RBFOX1: variants seen among roughly 807,000 people sequenced by gnomAD.
RBFOX1 encodes the protein RNA binding fox-1 homolog 1, also known as RNA binding protein fox-1 homolog 1.
RBFOX1 carries 8 observed loss-of-function variants against 57.7 expected under a neutral mutation model. That is an observed-to-expected ratio of 0.14 (90% CI 0.08 to 0.25). The LOEUF (loss-of-function observed/expected upper bound fraction) is 0.25. RBFOX1 is among the 10% of genes least tolerant of loss of function. The pLI is 1.00. For missense variants in RBFOX1, 611 were observed against 548.5 expected (o/e 1.11, Z -1.14); for synonymous variants, 326 against 222.4 (o/e 1.47, Z -4.15).
chr16:6,163,849 C>T (rs1236461249), intron 1 of RBFOX1, among the ~76,000 whole-genome samples: 1 of 151,982 alleles, frequency 6.6e-6, no homozygotes, highest in Non-Finnish European at 1.5e-5. Flanking sequence ...TAGAAAGGCC[C>T]ATATAGGGAG....
chr16:7,647,163 T>G (rs1411496034), intron 11 of RBFOX1, among the ~76,000 whole-genome samples: 1 of 152,200 alleles, frequency 6.6e-6, no homozygotes, highest in Non-Finnish European at 1.5e-5. Flanking sequence ...CTGAGATGGT[T>G]ACTCTACTAA....
intron 3 of RBFOX1, among the ~76,000 whole-genome samples, chr16:6,765,987 A>C (rs192152512): frequency 6.6e-6 from 1 of 152,134 alleles, no homozygotes; most frequent in African/African-American, 2.4e-5. Context: ...ATGGGAGGGT[A>C]GAAGGGGGAT....
chr16:7,028,200 A>G (rs1443331692), intron 3 of RBFOX1, among the ~76,000 whole-genome samples: 1 of 152,130 alleles, frequency 6.6e-6, no homozygotes, highest in African/African-American at 2.4e-5. Context: ...AGACTCTTCC[A>G]TTTCCAAGAT....
At chr16:6,075,337 T>G (rs1024195616) in intron 1 of RBFOX1, among the ~76,000 whole-genome samples, 3 of 152,356 alleles carry the variant, frequency 2.0e-5, no homozygotes, top group Non-Finnish European at 4.4e-5. Context: ...TACTCATTTA[T>G]TCATCTGTTT....
At chr16:7,417,573 C>G (rs1258464312) in intron 4 of RBFOX1, among the ~76,000 whole-genome samples, 1 of 145,738 alleles carries the variant, frequency 6.9e-6, no homozygotes, top group African/African-American at 2.7e-5. Context: ...CACTTCTCTG[C>G]AATGTCTCAC....
At chr16:5,800,602 A>T (rs2055025227) in intron 3 of RBFOX1, among the ~76,000 whole-genome samples, 1 of 152,046 alleles carries the variant, frequency 6.6e-6, no homozygotes, top group Non-Finnish European at 1.5e-5. Context: ...GGTGAAATGG[A>T]TGTGACCCAG....
intron 6 of RBFOX1, among the ~76,000 whole-genome samples, chr16:7,584,959 G>A (rs140422599): frequency 6.6e-6 from 1 of 152,308 alleles, no homozygotes; most frequent in East Asian, 1.9e-4. Context: ...CACCTGCCAA[G>A]ATTGCTGTTT....
At chr16:6,258,290 A>C (rs1007706111) in intron 1 of RBFOX1, among the ~76,000 whole-genome samples, 2 of 152,278 alleles carry the variant, frequency 1.3e-5, no homozygotes, top group African/African-American at 4.8e-5. Flanking sequence ...CCCAGAAGTG[A>C]TTATGCTTGA....
intron 1 of RBFOX1, among the ~76,000 whole-genome samples, chr16:5,334,213 G>A (rs7201294): frequency 2.6e-5 from 4 of 152,182 alleles, no homozygotes; most frequent in African/African-American, 9.7e-5. Context: ...ACATCTCTCC[G>A]GCCAGAGGAG....
chr16:6,950,600 A>G (rs56079265), intron 3 of RBFOX1, among the ~76,000 whole-genome samples: 40,130 of 152,054 alleles, frequency 0.26, 5,587 homozygotes, highest in African/African-American at 0.35. Flanking sequence ...AGATAATACA[A>G]TATATATGCA....
rs482645 is a variant in RBFOX1, at chr16:5,375,445, T to C, written c.220-91771T>C. ...GCATCATGGAGGGCTCTAAGGATCC[T>C]AGCCTGAGAGTCTGGGATAGTGACG... On this transcript the variant is annotated intron_variant, in intron 1 of 2. Transcript: ENST00000585867. Among the ~76,000 whole-genome samples the C allele has an allele frequency of 7.7e-3, 1,172 of 152,208 alleles. 26 individuals carry two copies. Among genetic ancestry groups the C allele is most frequent in the African/African-American group, 0.027 (1,115 of 41,514 alleles).
chr16:5,798,410 T>C (rs980218410), intron 3 of RBFOX1, among the ~76,000 whole-genome samples: 2 of 152,212 alleles, frequency 1.3e-5, no homozygotes, highest in Admixed American at 6.5e-5. Flanking sequence ...TGAGCTTTGT[T>C]CTAAAGGATG....
At chr16:7,601,676 A>C (rs1362098355) in intron 9 of RBFOX1, among the ~76,000 whole-genome samples, 1 of 152,146 alleles carries the variant, frequency 6.6e-6, no homozygotes, top group African/African-American at 2.4e-5. Flanking sequence ...TCAAACATTT[A>C]ATCTCCCTAT....
chr16:6,031,169 G>C (rs541651032), intron 1 of RBFOX1, among the ~76,000 whole-genome samples: 1 of 152,172 alleles, frequency 6.6e-6, no homozygotes, highest in African/African-American at 2.4e-5. Flanking sequence ...GCTACGGCCT[G>C]AAGACTGAGA....
At chr16:6,823,107 G>C (rs1253173214) in intron 3 of RBFOX1, among the ~76,000 whole-genome samples, 1 of 152,116 alleles carries the variant, frequency 6.6e-6, no homozygotes, top group East Asian at 1.9e-4. Flanking sequence ...GCATCAGAGG[G>C]TCATAGCCAT....
chr16:6,515,782 C>A (rs912700665), intron 2 of RBFOX1, among the ~76,000 whole-genome samples: 9 of 152,154 alleles, frequency 5.9e-5, no homozygotes, highest in African/African-American at 2.2e-4. Flanking sequence ...CCTGCTGTTT[C>A]CTTTACCTGG....
chr16:5,784,516 A>C (rs1191568614), intron 3 of RBFOX1, among the ~76,000 whole-genome samples: 1 of 152,096 alleles, frequency 6.6e-6, no homozygotes, highest in Non-Finnish European at 1.5e-5. Context: ...ACTTTTAAAC[A>C]ACCATCTCTT....
chr16:7,615,163 C>T (rs1012524355), intron 10 of RBFOX1, among the ~76,000 whole-genome samples: 4 of 152,136 alleles, frequency 2.6e-5, no homozygotes, highest in Admixed American at 6.5e-5. Flanking sequence ...GAAACCCCAT[C>T]TCTACTAAAA....
chr16:6,756,434 G>A (rs1421540930), intron 3 of RBFOX1, among the ~76,000 whole-genome samples: 1 of 152,062 alleles, frequency 6.6e-6, no homozygotes, highest in Non-Finnish European at 1.5e-5. Flanking sequence ...AGACTTCAAA[G>A]GCATAGGCAA....
Sources: allele counts gnomAD v4.1 joint callset (sites outside exome capture counted in the v4.1 genomes callset), GRCh38; gene constraint gnomAD v4.1.1; transcripts MANE v1.5; gene names NCBI Gene and HGNC (gene_info 2026-07-23, HGNC 2026-07-21).